The following COL23A1 variants were observed in gnomAD, a reference collection of about 807,000 sequenced individuals.
COL23A1 encodes collagen type XXIII alpha 1 chain, also known as collagen alpha-1(XXIII) chain.
Under a neutral mutation model 99.3 loss-of-function variants are expected in COL23A1, and 97 were observed. The observed-to-expected ratio is 0.98, with a 90% confidence interval of 0.83 to 1.16. The LOEUF is 1.16. Ranked by LOEUF, COL23A1 falls within the 50% of genes most tolerant of loss-of-function variation. The pLI, the probability that COL23A1 is intolerant of heterozygous loss-of-function variation, is 0.00. For missense variants in COL23A1, 762 were observed against 757.4 expected (o/e 1.01, Z -0.07); for synonymous variants, 320 against 308.2 (o/e 1.04, Z -0.40).
intron 2 of COL23A1, among the ~76,000 whole-genome samples, chr5:178,376,975 C>T (rs1041698602): frequency 6.6e-5 from 10 of 152,198 alleles, no homozygotes; most frequent in Non-Finnish European, 8.8e-5. Flanking sequence ...TCCCTCCCCT[C>T]GGCACACCAG....
intron 2 of COL23A1, among the ~76,000 whole-genome samples, chr5:178,343,316 G>C (rs372586755): frequency 2.1e-4 from 32 of 152,336 alleles, no homozygotes; most frequent in Admixed American, 8.5e-4. Context: ...GTGGAGGGGA[G>C]ATCCTGGGAC....
Position 178,425,486 on chromosome 5 carries a change from T to C in COL23A1, c.362-118567A>G, listed in dbSNP as rs1288945159. Among the ~76,000 whole-genome samples, 4 of 151,998 alleles carry C rather than the reference T, an allele frequency of 2.6e-5. No individual in the cohort carries two copies. In the East Asian group the frequency reaches 5.8e-4, roughly 22 times the overall value. On this transcript the variant is annotated intron_variant, in intron 2 of 28. Transcript: ENST00000390654. ...ATAAATAAAAATAAAATAAAGCCAA[T>C]GGTGGCTGTTTCCCGCGCTCACCTC...
At chr5:178,327,433 A>C (rs1408678081) in intron 2 of COL23A1, among the ~76,000 whole-genome samples, 1 of 152,082 alleles carries the variant, frequency 6.6e-6, no homozygotes, top group East Asian at 1.9e-4. Flanking sequence ...GTCTCCCAGA[A>C]CCAGTGAGGC....
chr5:178,589,923 A>G lies in COL23A1; in HGVS notation c.275T>C (p.Leu92Pro), dbSNP rs1764181986. 2.3e-6 allele frequency: 3 copies of G among 1,319,344 alleles called. No homozygotes were observed. In the African/African-American group the frequency reaches 4.6e-5, roughly 20 times the overall value. The allele number at this position is 1,319,344 out of a possible 1,614,324, so 81.7% of individuals were successfully genotyped here. Reference sequence around the variant, plus strand: ...GCTCACCTCCCGCAGCAGGCGCTCCAGGTGCGGCTCGGCCCAGGCGTCCAG... The same window carrying G: ...GCTCACCTCCCGCAGCAGGCGCTCCGGGTGCGGCTCGGCCCAGGCGTCCAG... The part of the protein sequence containing the change: ...GALDAWAEPH[L>P]ERLLREKLDG... The change falls in exon 1 of 29, where the codon CTG (leucine) becomes CCG (proline). Residue 92 changes from leucine to proline, a missense_variant. Coordinates refer to ENST00000390654, the MANE Select transcript of COL23A1 (RefSeq NM_173465.4). The surrounding 1 kb of genome is among the most constrained non-coding windows in gnomAD (Gnocchi z 5.4).
Position 178,319,889 on chromosome 5 carries a change from G to A in COL23A1, c.362-12970C>T, listed in dbSNP as rs374314730. On this transcript the variant is annotated intron_variant, in intron 2 of 28. Coordinates refer to ENST00000390654, the MANE Select transcript of COL23A1 (RefSeq NM_173465.4). ...ATCTGTAAGAAGGGAGGCCTCCCCC[G>A]CCCTATCTGCCCACTGCTTCCCTGC... Among the ~76,000 whole-genome samples, 5 of 152,180 alleles carry A rather than the reference G, an allele frequency of 3.3e-5. No homozygotes were observed. In the South Asian group the frequency reaches 8.3e-4, roughly 25 times the overall value.
At position 178,255,168 on chromosome 5, in the gene COL23A1, G is replaced by C. The variant is rs994139520; in HGVS notation, c.883-142C>G. On this transcript the variant is annotated intron_variant, in intron 15 of 28. Coordinates refer to ENST00000390654, the MANE Select transcript of COL23A1 (RefSeq NM_173465.4). This position sits in a 1 kb window ranked among gnomAD's most constrained non-coding sequence, Gnocchi z 4.2. ...AGGCTGCACGCATGCCCCTCCCCAG[G>C]GTGGATGGAGGGAACGGGAGGCAGG... 4 of 682,962 alleles carry C rather than the reference G, an allele frequency of 5.9e-6. No individual in the cohort carries two copies. In the African/African-American group the frequency reaches 7.2e-5, roughly 12 times the overall value. The allele number at this position is 682,962 out of a possible 1,614,324, so 42.3% of individuals were successfully genotyped here. A position where few individuals can be genotyped will look rare whatever the true frequency, so the allele number is the denominator to read the frequency against.
chr5:178,547,505 ACACCCC>A (rs1247075387), intron 2 of COL23A1, among the ~76,000 whole-genome samples: 1 of 81,432 alleles, frequency 1.2e-5, no homozygotes, highest in African/African-American at 4.6e-5. Flanking sequence ...ATCCCCATAC[ACACCCC>A]CACACCCACA....
intron 2 of COL23A1, among the ~76,000 whole-genome samples, chr5:178,466,290 G>C (rs2127917153): frequency 6.6e-6 from 1 of 152,318 alleles, no homozygotes; most frequent in South Asian, 2.1e-4. Context: ...GCACAGAGCA[G>C]CGCTTGCTAG....
At position 178,250,125 on chromosome 5, in the gene COL23A1, A is replaced by C. The variant is rs1764954880; in HGVS notation, c.1015-20T>G. On this transcript the variant is annotated intron_variant, in intron 17 of 28. Coordinates refer to ENST00000390654, the MANE Select transcript of COL23A1 (RefSeq NM_173465.4). ...CTCGCCCTGGAAGGGAAGAGATGGC[A>C]AGAGGGGTTATGCCTTCCTTTCCTA... is the stretch of plus-strand genomic sequence containing the variant. 6.2e-7 allele frequency: 1 copy of C among 1,614,016 alleles called. No individual in the cohort carries two copies. The highest frequency in any genetic ancestry group is 8.5e-7 in the Non-Finnish European group (1 of 1,179,904).
In COL23A1 at chr5:178,335,935, T is replaced by C. The variant is rs1581174085; in HGVS notation, c.362-29016A>G. Among the ~76,000 whole-genome samples, 5 of 152,362 alleles carry C rather than the reference T, an allele frequency of 3.3e-5. No individual in the cohort carries two copies. In the South Asian group the frequency reaches 1.0e-3, roughly 32 times the overall value. ...TTCCAAAGGATTTGGGATAAGCAAATAGCCTTGCTGTATCACCAGCTTTTA... is the reference window on the plus strand; with the variant it reads ...TTCCAAAGGATTTGGGATAAGCAAACAGCCTTGCTGTATCACCAGCTTTTA... On this transcript the variant is annotated intron_variant, in intron 2 of 28. Transcript: ENST00000390654.
chr5:178,574,245 G>A (rs930832471), intron 1 of COL23A1, among the ~76,000 whole-genome samples: 1 of 152,168 alleles, frequency 6.6e-6, no homozygotes, highest in Admixed American at 6.5e-5. Context: ...CCTCTGGGTG[G>A]AGACAAGAAA....
intron 2 of COL23A1, among the ~76,000 whole-genome samples, chr5:178,431,193 G>T (rs533567499): frequency 4.6e-5 from 7 of 152,280 alleles, no homozygotes; most frequent in Non-Finnish European, 5.9e-5. Flanking sequence ...AGGCCAGTGG[G>T]CCCAGGCTGC....
intron 1 of COL23A1, among the ~76,000 whole-genome samples, chr5:178,576,752 C>T (rs1337814251): frequency 6.6e-6 from 1 of 151,934 alleles, no homozygotes; most frequent in Non-Finnish European, 1.5e-5. Flanking sequence ...AAAGCCCCAA[C>T]GGGTCCCCCG....
intron 5 of COL23A1, among the ~76,000 whole-genome samples, chr5:178,271,774 A>G (rs912704531): frequency 6.6e-6 from 1 of 152,246 alleles, no homozygotes; most frequent in Non-Finnish European, 1.5e-5. Context: ...TTGTGGCGAC[A>G]GTAACGTTGG....
intron 2 of COL23A1, among the ~76,000 whole-genome samples, chr5:178,386,336 G>A (rs112862340): frequency 1.4e-3 from 209 of 152,192 alleles, no homozygotes; most frequent in African/African-American, 4.9e-3. Flanking sequence ...CTGCTTGGGA[G>A]GCTGAGGCAG....
intron 2 of COL23A1, among the ~76,000 whole-genome samples, chr5:178,314,304 GA>G (rs1389098244): frequency 6.6e-6 from 1 of 152,148 alleles, no homozygotes; most frequent in East Asian, 1.9e-4. Flanking sequence ...CTGCTTGTGG[GA>G]AAGTCCTGAA....
At chr5:178,507,214 A>G (rs1753051536) in intron 2 of COL23A1, among the ~76,000 whole-genome samples, 1 of 152,230 alleles carries the variant, frequency 6.6e-6, no homozygotes, top group South Asian at 2.1e-4. Context: ...ATATCCTGAC[A>G]GTAACTTTGT....
At chr5:178,401,857 C>A (rs896303479) in intron 2 of COL23A1, among the ~76,000 whole-genome samples, 9 of 152,114 alleles carry the variant, frequency 5.9e-5, no homozygotes, top group African/African-American at 1.7e-4. Context: ...CTCTTGTTGC[C>A]CAGGCTGGAG....
rs1482126343 is a variant in COL23A1, at chr5:178,544,740, G to A, written c.361+15942C>T. On this transcript the variant is annotated intron_variant, in intron 2 of 28. Transcript: ENST00000390654. The surrounding 1 kb of genome is among the most constrained non-coding windows in gnomAD (Gnocchi z 4.4). Reference sequence around the variant, plus strand: ...GAGGCACTGTGGGCTCAGCCTCCAGGTCACCTGCTGCCCCCGTGCCACTGG... The same window carrying A: ...GAGGCACTGTGGGCTCAGCCTCCAGATCACCTGCTGCCCCCGTGCCACTGG... Among the ~76,000 whole-genome samples, 1 of 152,106 alleles carries A rather than the reference G, an allele frequency of 6.6e-6. No individual in the cohort carries two copies. Among genetic ancestry groups the A allele is most frequent in the African/African-American group, 2.4e-5 (1 of 41,412 alleles).
Sources: allele counts gnomAD v4.1 joint callset (sites outside exome capture counted in the v4.1 genomes callset), GRCh38; gene constraint gnomAD v4.1.1; non-coding constraint Gnocchi (gnomAD v3.1); transcripts MANE v1.5; gene names NCBI Gene and HGNC (gene_info 2026-07-23, HGNC 2026-07-21).